The following LRRC4C variants were observed in gnomAD, a reference collection of about 807,000 sequenced individuals.
LRRC4C encodes the protein leucine rich repeat containing 4C.
Under a neutral mutation model 33.6 loss-of-function variants are expected in LRRC4C, and 5 were observed. The ratio of observed to expected loss-of-function variants is 0.15; its 90% CI spans 0.08 to 0.31. The LOEUF (loss-of-function observed/expected upper bound fraction) is 0.31. Among genes scored for constraint, LRRC4C ranks in the 10% least tolerant of loss-of-function variants. LRRC4C has a pLI of 1.00. For missense variants in LRRC4C, 560 were observed against 796.7 expected (o/e 0.70, Z 3.58); for synonymous variants, 329 against 302.0 (o/e 1.09, Z -0.93).
chr11:40,751,727 T>C (rs1364987577), intron 2 of LRRC4C, among the ~76,000 whole-genome samples: 1 of 152,138 alleles, frequency 6.6e-6, no homozygotes, highest in Non-Finnish European at 1.5e-5. Flanking sequence ...CCAATGTTAT[T>C]TTCCACAGAA....
chr11:40,795,799 A>G (rs1057406763), intron 2 of LRRC4C, among the ~76,000 whole-genome samples: 8 of 152,192 alleles, frequency 5.3e-5, no homozygotes, highest in Non-Finnish European at 1.2e-4. Flanking sequence ...ATTATGAAAG[A>G]CCAAGTTCTG....
At chr11:40,509,396 C>A (rs1955194516) in intron 3 of LRRC4C, among the ~76,000 whole-genome samples, 3 of 152,026 alleles carry the variant, frequency 2.0e-5, no homozygotes, top group Admixed American at 2.0e-4. Flanking sequence ...CTACATGATT[C>A]TCTTTTCCAA....
chr11:40,414,394 G>A (rs1456344305), intron 3 of LRRC4C, among the ~76,000 whole-genome samples: 1 of 152,050 alleles, frequency 6.6e-6, no homozygotes, highest in African/African-American at 2.4e-5. Context: ...ATTAGCAAGA[G>A]TGCTGCAGGA....
At chr11:41,451,215 C>A (rs571325833) in intron 1 of LRRC4C, among the ~76,000 whole-genome samples, 1 of 152,230 alleles carries the variant, frequency 6.6e-6, no homozygotes, top group Admixed American at 6.5e-5. Flanking sequence ...CTGTTACCCA[C>A]AAGAACATTC....
intron 1 of LRRC4C, among the ~76,000 whole-genome samples, chr11:41,192,609 C>T (rs1946006769): frequency 6.6e-6 from 1 of 152,024 alleles, no homozygotes; most frequent in Non-Finnish European, 1.5e-5. Flanking sequence ...CCAGCAAGAA[C>T]AAAAACCTTG....
At chr11:41,231,196 G>T (rs1376965764) in intron 1 of LRRC4C, among the ~76,000 whole-genome samples, 1 of 152,140 alleles carries the variant, frequency 6.6e-6, no homozygotes, top group East Asian at 1.9e-4. Flanking sequence ...CACTGTGGAA[G>T]TCAGTGTGGT....
At chr11:40,535,355 T>C (rs564440477) in intron 3 of LRRC4C, among the ~76,000 whole-genome samples, 1 of 152,208 alleles carries the variant, frequency 6.6e-6, no homozygotes, top group South Asian at 2.1e-4. Context: ...GTGAAATAGG[T>C]TAGAGAGACA....
At chr11:40,723,375 T>G (rs1207589124) in intron 2 of LRRC4C, among the ~76,000 whole-genome samples, 1 of 151,892 alleles carries the variant, frequency 6.6e-6, no homozygotes, top group Non-Finnish European at 1.5e-5. Flanking sequence ...TCATATCACC[T>G]ATAAAGAAAA....
At chr11:40,142,737 C>T (rs1857457609) in intron 5 of LRRC4C, among the ~76,000 whole-genome samples, 1 of 151,976 alleles carries the variant, frequency 6.6e-6, no homozygotes, top group Non-Finnish European at 1.5e-5. Flanking sequence ...TCTTATTTAT[C>T]TATACTCACT....
chr11:40,763,353 A>T lies in LRRC4C; in HGVS notation c.-406-115075T>A, dbSNP rs994656990. Among the ~76,000 whole-genome samples, 8 of 152,114 alleles carry T rather than the reference A, an allele frequency of 5.3e-5. No homozygotes were observed. In the East Asian group the frequency reaches 1.5e-3, roughly 29 times the overall value. On this transcript the variant is annotated intron_variant, in intron 2 of 6. Coordinates refer to ENST00000528697, the MANE Select transcript of LRRC4C (RefSeq NM_001258419.2). ...ATAACATTTTTGTGAACTGCAGAAG[A>T]ATAACTATCAAGAAATATAAATAGG...
intron 1 of LRRC4C, among the ~76,000 whole-genome samples, chr11:41,372,126 C>A (rs1952772123): frequency 6.6e-6 from 1 of 152,152 alleles, no homozygotes; most frequent in African/African-American, 2.4e-5. Flanking sequence ...ACCTGGGCGA[C>A]TGAGCGAGAC....
chr11:40,945,644 A>G lies in LRRC4C; in HGVS notation c.-495-11921T>C, dbSNP rs1958363154. ...AAGATAAATCTTTGCTGTTAATTAG[A>G]ATCAGCAGTGTAACCCAGAATTTCA... On this transcript the variant is annotated intron_variant, in intron 1 of 6. Transcript: ENST00000528697. 2.0e-5 allele frequency among the ~76,000 whole-genome samples: 3 copies of G among 152,148 alleles called. No homozygotes were observed. The South Asian group carries it at 6.2e-4, about 32-fold the overall frequency.
intron 3 of LRRC4C, among the ~76,000 whole-genome samples, chr11:40,591,289 T>A (rs891834962): frequency 6.6e-6 from 1 of 152,180 alleles, no homozygotes; most frequent in Admixed American, 6.5e-5. Flanking sequence ...GGGAACTCCC[T>A]GACCCCTTGT....
rs150842145 is a variant in LRRC4C at position 40,411,091 on chromosome 11, A to C, written c.-269-91370T>G. On this transcript the variant is annotated intron_variant, in intron 3 of 6. Transcript: ENST00000528697. ...TGTAATCTCCTGATATCATAAAAGT[A>C]AGTCAGTATTCCCATTTTGTGGGGT... 1.4e-4 allele frequency among the ~76,000 whole-genome samples: 22 copies of C among 152,220 alleles called. No homozygotes were observed. In the East Asian group the frequency reaches 4.3e-3, roughly 29 times the overall value.
At chr11:40,249,076 G>A (rs769722112) in intron 4 of LRRC4C, among the ~76,000 whole-genome samples, 6 of 152,120 alleles carry the variant, frequency 3.9e-5, no homozygotes, top group African/African-American at 9.7e-5. Context: ...GGTGGCTCAC[G>A]CCTGTCATCT....
chr11:41,148,895 T>C (rs1332062383), intron 1 of LRRC4C, among the ~76,000 whole-genome samples: 1 of 152,210 alleles, frequency 6.6e-6, no homozygotes, highest in African/African-American at 2.4e-5. Flanking sequence ...GCTATTGTTA[T>C]TAACCAAGAA....
At position 40,648,645 on chromosome 11, in the gene LRRC4C, C is replaced by T. The variant is rs1390171; in HGVS notation, c.-406-367G>A. 4.4e-3 allele frequency among the ~76,000 whole-genome samples: 669 copies of T among 152,240 alleles called. 6 individuals are homozygous for T. Among genetic ancestry groups the T allele is most frequent in the African/African-American group, 0.016 (646 of 41,524 alleles). ...TTAACATCTGAGATGTTACCATGGG[C>T]CTGGGCTATGTGAATTGCTTTTACA... On this transcript the variant is annotated intron_variant, in intron 2 of 6. Transcript: ENST00000528697.
intron 3 of LRRC4C, among the ~76,000 whole-genome samples, chr11:40,618,273 A>G (rs1591290410): frequency 6.7e-6 from 1 of 149,362 alleles, no homozygotes; most frequent in African/African-American, 2.4e-5. Flanking sequence ...CCCAGGAAAG[A>G]CAGCCATATG....
intron 2 of LRRC4C, among the ~76,000 whole-genome samples, chr11:40,670,792 A>T (rs182660762): frequency 1.8e-4 from 28 of 152,204 alleles, no homozygotes; most frequent in African/African-American, 6.0e-4. Flanking sequence ...GAGACGGAGC[A>T]TCGCTCTGTC....
Sources: allele counts gnomAD v4.1 joint callset (sites outside exome capture counted in the v4.1 genomes callset), GRCh38; gene constraint gnomAD v4.1.1; transcripts MANE v1.5; gene names NCBI Gene and HGNC (gene_info 2026-07-23, HGNC 2026-07-21).